PDGFD: variants seen among roughly 807,000 people sequenced by gnomAD.
PDGFD encodes the protein platelet derived growth factor D.
Under a neutral mutation model 44.7 loss-of-function variants are expected in PDGFD, and 30 were observed. The observed-to-expected ratio is 0.67, with a 90% CI of 0.50 to 0.91. The LOEUF is 0.91. PDGFD is among the 40% of genes least tolerant of loss of function. PDGFD has a pLI of 0.00. For missense variants in PDGFD, 445 were observed against 457.8 expected (o/e 0.97, Z 0.25); for synonymous variants, 173 against 168.4 (o/e 1.03, Z -0.21).
At chr11:103,919,472 A>C (rs2134304848) in intron 6 of PDGFD, among the ~76,000 whole-genome samples, 1 of 149,094 alleles carries the variant, frequency 6.7e-6, no homozygotes, top group African/African-American at 2.5e-5. Flanking sequence ...CATTATATAA[A>C]CCCAAATCAT....
At chr11:104,149,188 T>G (rs1862208277) in intron 1 of PDGFD, among the ~76,000 whole-genome samples, 1 of 152,138 alleles carries the variant, frequency 6.6e-6, no homozygotes, top group Non-Finnish European at 1.5e-5. Flanking sequence ...AAATACCTCA[T>G]CTAGGTACAG....
chr11:103,929,331 T>C (rs1276192204), intron 5 of PDGFD, among the ~76,000 whole-genome samples: 1 of 152,162 alleles, frequency 6.6e-6, no homozygotes, highest in Non-Finnish European at 1.5e-5. Context: ...TGTACTGGAC[T>C]TTCCTGTCTG....
At chr11:104,066,086 T>C (rs1485442639) in intron 1 of PDGFD, among the ~76,000 whole-genome samples, 1 of 152,210 alleles carries the variant, frequency 6.6e-6, no homozygotes, top group Non-Finnish European at 1.5e-5. Flanking sequence ...AGTATGTTTA[T>C]TGTTGAAACA....
rs1384477599 is a variant in PDGFD, at chr11:103,985,238, A to T, written c.510+10827T>A. Among the ~76,000 whole-genome samples, 6 of 148,914 alleles carry T rather than the reference A, an allele frequency of 4.0e-5. 2 individuals carry two copies. Among genetic ancestry groups the T allele is most frequent in the African/African-American group, 1.5e-4 (6 of 39,936 alleles). On this transcript the variant is annotated intron_variant, in intron 3 of 6. Coordinates refer to ENST00000393158, the MANE Select transcript of PDGFD (RefSeq NM_025208.5). The stretch of plus-strand genomic sequence containing the variant: ...ATTTTTTGAGACAAGGTCTTGCCTT[A>T]TCACCAAGGCTGCAGTCCAGTGGTG...
chr11:103,958,376 T>G lies in PDGFD; in HGVS notation c.511-10652A>C, dbSNP rs201974277. Among the ~76,000 whole-genome samples, 8 of 152,334 alleles carry G rather than the reference T, an allele frequency of 5.3e-5. No individual in the cohort carries two copies. The East Asian group carries it at 1.3e-3, about 26-fold the overall frequency. ...TAAGTTCAGGTTTTCATAAATTCCT[T>G]AAATGCATTTCAAAGAGAACATCTG... On this transcript the variant is annotated intron_variant, in intron 3 of 6. Transcript: ENST00000393158.
At chr11:104,111,106 T>A (rs539627583) in intron 1 of PDGFD, among the ~76,000 whole-genome samples, 1 of 152,174 alleles carries the variant, frequency 6.6e-6, no homozygotes, top group South Asian at 2.1e-4. Flanking sequence ...ACACTGATTA[T>A]AACTACACAA....
At chr11:104,006,490 G>A (rs977667643) in intron 1 of PDGFD, among the ~76,000 whole-genome samples, 1 of 152,140 alleles carries the variant, frequency 6.6e-6, no homozygotes, top group African/African-American at 2.4e-5. Flanking sequence ...TAGTTCCCCG[G>A]CAAAGGCCCC....
chr11:104,053,704 G>A (rs1031968569), intron 1 of PDGFD, among the ~76,000 whole-genome samples: 2 of 152,128 alleles, frequency 1.3e-5, no homozygotes, highest in African/African-American at 2.4e-5. Flanking sequence ...AACAAGAAGC[G>A]CATATATTCA....
At chr11:104,013,556 G>C in intron 1 of PDGFD, among the ~76,000 whole-genome samples, 1 of 152,204 alleles carries the variant, frequency 6.6e-6, no homozygotes, top group South Asian at 2.1e-4. Flanking sequence ...CAGGACTGTT[G>C]CAAGTCCTGT....
At chr11:103,965,681 G>C (rs760700129) in intron 3 of PDGFD, among the ~76,000 whole-genome samples, 1 of 152,156 alleles carries the variant, frequency 6.6e-6, no homozygotes, top group East Asian at 1.9e-4. Context: ...AGCTCACAAC[G>C]TCTATCACAT....
At position 103,927,108 on chromosome 11, in the gene PDGFD, T is replaced by C. The variant is rs1195913329; in HGVS notation, c.791A>G (p.Asn264Ser). The stretch of plus-strand genomic sequence containing the variant: ...GCAACTGTAACGCTTGGCATCATCA[T>C]TGAGCCTATCCAGGTCAACTGTAAG... ...RKSKVDLDRLNDDAKRYSCTP... is the reference protein window; with the variant it reads ...RKSKVDLDRLSDDAKRYSCTP... The change falls in exon 6 of 7, where the codon AAT becomes AGT. Residue 264 changes from asparagine to serine, a missense_variant. By Grantham distance (46) the Asn-to-Ser change is conservative (BLOSUM62 1). Coordinates refer to ENST00000393158, the MANE Select transcript of PDGFD (RefSeq NM_025208.5). The C allele has an allele frequency of 5.6e-6, 9 of 1,614,144 alleles. No homozygotes were observed. The East Asian group carries it at 8.9e-5, about 16-fold the overall frequency.
chr11:104,029,010 A>G (rs906739766), intron 1 of PDGFD, among the ~76,000 whole-genome samples: 1 of 152,178 alleles, frequency 6.6e-6, no homozygotes, highest in Non-Finnish European at 1.5e-5. Context: ...AATAAGCAGC[A>G]CTGAAATATT....
intron 5 of PDGFD, among the ~76,000 whole-genome samples, chr11:103,942,628 C>T (rs1400780001): frequency 3.3e-5 from 5 of 152,018 alleles, no homozygotes; most frequent in African/African-American, 1.2e-4. Context: ...ACATAAACCA[C>T]CCAGGCACCA....
chr11:104,135,105 T>C (rs1335399165), intron 1 of PDGFD, among the ~76,000 whole-genome samples: 9 of 152,050 alleles, frequency 5.9e-5, no homozygotes, highest in Non-Finnish European at 1.2e-4. Context: ...CTAAGATATC[T>C]GTTATATTAA....
chr11:104,138,506 T>C (rs1474719237), intron 1 of PDGFD, among the ~76,000 whole-genome samples: 2 of 152,178 alleles, frequency 1.3e-5, no homozygotes, highest in Non-Finnish European at 2.9e-5. Context: ...AAGCACAAGC[T>C]CTTTAAAACG....
At chr11:103,998,567 C>T (rs1859572149) in intron 2 of PDGFD, among the ~76,000 whole-genome samples, 1 of 152,192 alleles carries the variant, frequency 6.6e-6, no homozygotes, top group African/African-American at 2.4e-5. Flanking sequence ...TCCTCAGTTG[C>T]ATCCTCTATA....
At chr11:104,031,261 C>T (rs1009525328) in intron 1 of PDGFD, among the ~76,000 whole-genome samples, 1 of 152,096 alleles carries the variant, frequency 6.6e-6, no homozygotes, top group Admixed American at 6.6e-5. Context: ...GGTCTAATAT[C>T]CAGGATCTAA....
At chr11:104,026,660 C>T (rs1860045768) in intron 1 of PDGFD, among the ~76,000 whole-genome samples, 1 of 152,032 alleles carries the variant, frequency 6.6e-6, no homozygotes, top group South Asian at 2.1e-4. Context: ...TAGAGCAGTC[C>T]CCTAGGTTTG....
intron 1 of PDGFD, among the ~76,000 whole-genome samples, chr11:104,107,615 GTAGAGATGAAGTC>G (rs1463755179): frequency 1.3e-5 from 2 of 152,184 alleles, no homozygotes; most frequent in African/African-American, 4.8e-5. Flanking sequence ...AAATTCCATA[GTAGAGATGAAGTC>G]CTGTGAATTT....
Sources: gnomAD v4.1 joint callset for allele counts (sites outside exome capture counted in the v4.1 genomes callset) on GRCh38, gnomAD v4.1.1 for gene constraint, MANE v1.5 for transcripts, NCBI Gene and HGNC (gene_info 2026-07-23, HGNC 2026-07-21) for gene names.